CUX2: variants seen among roughly 807,000 people sequenced by gnomAD.
The protein encoded by CUX2 is homeobox protein cut-like 2.
In CUX2, 40 loss-of-function variants were observed where a neutral mutation model predicts 144.8. That is an observed-to-expected ratio of 0.28 (90% confidence interval 0.21 to 0.36). The LOEUF (loss-of-function observed/expected upper bound fraction) is 0.36. Ranked by LOEUF, CUX2 falls within the 10% of genes least tolerant of loss-of-function variation. The probability of loss-of-function intolerance (pLI) is 1.00; values close to 1 mark genes in which losing one functional copy is unlikely to be tolerated. For synonymous variants in CUX2, 827 were observed against 875.6 expected, an observed-to-expected ratio of 0.94 and a Z score of 0.98; for missense variants, 1,615 against 1,994.0, an observed-to-expected ratio of 0.81 and a Z score of 3.62.
chr12:111,082,305 A>G (rs1164806705), intron 1 of CUX2, among the ~76,000 whole-genome samples: 1 of 152,132 alleles, frequency 6.6e-6, no homozygotes. Flanking sequence ...AAATCACAAT[A>G]TATTGGAAGG....
chr12:111,079,642 C>G (rs1871757506), intron 1 of CUX2, among the ~76,000 whole-genome samples: 1 of 152,196 alleles, frequency 6.6e-6, no homozygotes, highest in African/African-American at 2.4e-5. Context: ...CCATGCTCTG[C>G]TCTAAGAATC....
chr12:111,165,542 A>C (rs1878084640), intron 1 of CUX2, among the ~76,000 whole-genome samples: 1 of 152,208 alleles, frequency 6.6e-6, no homozygotes, highest in Non-Finnish European at 1.5e-5. Flanking sequence ...AACTGGACTC[A>C]AATTCTGGTG....
chr12:111,307,681 A>G lies in CUX2; in HGVS notation c.1109+424A>G, dbSNP rs1886659667. ...CACTGCACTCCAGCCTGGACAACAC[A>G]GTGAGACCCTGTCTCAAAAACAAAA... On this transcript the variant is annotated intron_variant, in intron 12 of 21. Coordinates refer to ENST00000261726, the MANE Select transcript of CUX2 (RefSeq NM_015267.4). The surrounding 1 kb of genome is among the most constrained non-coding windows in gnomAD (Gnocchi z 4.1). Among the ~76,000 whole-genome samples the G allele has an allele frequency of 6.6e-6, 1 of 152,248 alleles. No individual in the cohort carries two copies. The highest frequency in any genetic ancestry group is 6.5e-5 in the Admixed American group (1 of 15,284).
intron 1 of CUX2, among the ~76,000 whole-genome samples, chr12:111,078,870 G>A (rs1298576842): frequency 6.6e-6 from 1 of 152,078 alleles, no homozygotes; most frequent in Non-Finnish European, 1.5e-5. Flanking sequence ...GGGGGAAGCG[G>A]ATGGGTTCGA....
chr12:111,058,448 A>G (rs919288893), intron 1 of CUX2, among the ~76,000 whole-genome samples: 4 of 152,236 alleles, frequency 2.6e-5, no homozygotes, highest in Admixed American at 1.3e-4. Flanking sequence ...AGAGAGAAAG[A>G]TCTGACTTTA....
At chr12:111,125,104 G>A (rs1456169601) in intron 1 of CUX2, among the ~76,000 whole-genome samples, 3 of 152,064 alleles carry the variant, frequency 2.0e-5, no homozygotes, top group African/African-American at 7.2e-5. Context: ...AGCCCTAACA[G>A]GAGCAACTCC....
chr12:111,256,918 G>A lies in CUX2; in HGVS notation c.223-6843G>A, dbSNP rs894162131. ...CTCAGTGGCTCCCAGATGTCCCTGCGACCTCAGACAGCTTGGTGGAGCTCA... is the reference window on the plus strand; with the variant it reads ...CTCAGTGGCTCCCAGATGTCCCTGCAACCTCAGACAGCTTGGTGGAGCTCA... On this transcript the variant is annotated intron_variant, in intron 3 of 21. Transcript: ENST00000261726. Among the ~76,000 whole-genome samples the A allele has an allele frequency of 4.6e-5, 7 of 152,084 alleles. No homozygotes were observed. The East Asian group carries it at 1.2e-3, about 25-fold the overall frequency.
At chr12:111,305,368 GTGTCTA>G (rs1006282351) in intron 10 of CUX2, among the ~76,000 whole-genome samples, 1 of 152,162 alleles carries the variant, frequency 6.6e-6, no homozygotes, top group African/African-American at 2.4e-5. Flanking sequence ...ACAGGCCCAG[GTGTCTA>G]TGTCTCTCTT....
At chr12:111,283,957 C>T (rs189495788) in intron 4 of CUX2, among the ~76,000 whole-genome samples, 22 of 152,284 alleles carry the variant, frequency 1.4e-4, no homozygotes, top group Middle Eastern at 3.4e-3. Context: ...TTGTCAGAGT[C>T]GTGCTGCAGT....
rs140221522 is a variant in CUX2, at chr12:111,165,009, A to G, written c.64-49191A>G. Among the ~76,000 whole-genome samples, 263 of 152,306 alleles carry G rather than the reference A, an allele frequency of 1.7e-3. 3 individuals are homozygous for G. In the South Asian group the frequency reaches 0.034, roughly 20 times the overall value. ...AAGCAGAGCCAAGAGACAGAAATCA[A>G]ACCCTGCGAATAGCATTTGAACTGC... On this transcript the variant is annotated intron_variant, in intron 1 of 21. Transcript: ENST00000261726.
At chr12:111,140,300 T>C (rs11065816) in intron 1 of CUX2, among the ~76,000 whole-genome samples, 20,021 of 152,134 alleles carry the variant, frequency 0.13, 4,422 homozygotes, top group African/African-American at 0.45. Context: ...GCAGGTCCTG[T>C]GGCCATTGAT....
intron 1 of CUX2, among the ~76,000 whole-genome samples, chr12:111,109,824 A>C (rs1374429944): frequency 1.3e-5 from 2 of 152,096 alleles, no homozygotes; most frequent in South Asian, 2.1e-4. Flanking sequence ...TTACTTCTCC[A>C]ACTTCTTCAT....
At chr12:111,069,519 T>C (rs756601055) in intron 1 of CUX2, among the ~76,000 whole-genome samples, 4 of 148,572 alleles carry the variant, frequency 2.7e-5, no homozygotes, top group Non-Finnish European at 5.9e-5. Context: ...AAAGCCTTGC[T>C]CTGTGTGTGT....
chr12:111,134,620 C>CTCTGTGTGTGTGTGTGTGTG (rs1026548098), intron 1 of CUX2, among the ~76,000 whole-genome samples: 2 of 142,130 alleles, frequency 1.4e-5, no homozygotes, highest in African/African-American at 5.6e-5. Flanking sequence ...CTCTCTCTCT[C>CTCTGTGTGTGTGTGTGTGTG]TGTGTGTGTG....
chr12:111,270,456 G>C (rs1884583965), intron 4 of CUX2: 1 of 151,270 alleles, frequency 6.6e-6, no homozygotes, highest in Non-Finnish European at 1.5e-5. Flanking sequence ...GGCGTGAAGT[G>C]AGAAAAAAAA....
At chr12:111,151,036 CAT>C (rs1399913568) in intron 1 of CUX2, among the ~76,000 whole-genome samples, 1 of 152,104 alleles carries the variant, frequency 6.6e-6, no homozygotes, top group Non-Finnish European at 1.5e-5. Context: ...TGTTTGGAGT[CAT>C]ATGTAATTTT....
In CUX2 at chr12:111,310,241, G is replaced by A; in HGVS notation, c.1459G>A (p.Gly487Arg). The A allele has an allele frequency of 6.6e-7, 1 of 1,509,860 alleles. No homozygotes were observed. The highest frequency in any genetic ancestry group is 8.9e-7 in the Non-Finnish European group (1 of 1,129,190). 93.5% of individuals were successfully genotyped at this position (1,509,860 alleles called of 1,614,324 possible). A position where few individuals can be genotyped will look rare whatever the true frequency, so the allele number is the denominator to read the frequency against. Residue 487 changes from glycine (G) to arginine (R), a missense_variant, in exon 15 of 22, where the codon GGG becomes AGG. Gly to Arg is a moderately radical substitution (Grantham distance 125, BLOSUM62 -2). This residue lies in a region of CUX2 where 154 missense variants were observed against 148.4 expected (regional missense o/e 1.04). Transcript: ENST00000261726. This position sits in a 1 kb window ranked among gnomAD's most constrained non-coding sequence, Gnocchi z 7.9. Reference protein sequence around the residue: ...SLSPFPSLASGERLMMPPAAF... With the variant: ...SLSPFPSLASRERLMMPPAAF... ...GTCCCCCTTCCCCAGCCTGGCATCAGGGGAGAGACTGATGATGCCCCCAGC... is the reference window on the plus strand; with the variant it reads ...GTCCCCCTTCCCCAGCCTGGCATCAAGGGAGAGACTGATGATGCCCCCAGC...
In CUX2 at chr12:111,263,955, G is replaced by A. The variant is rs1193137087; in HGVS notation, c.301+116G>A. 9 of 951,578 alleles carry A rather than the reference G, an allele frequency of 9.5e-6. No individual in the cohort carries two copies. Among genetic ancestry groups the A allele is most frequent in the Non-Finnish European group, 1.4e-5 (8 of 592,520 alleles). 58.9% of individuals were successfully genotyped at this position (951,578 alleles called of 1,614,324 possible). A position where few individuals can be genotyped will look rare whatever the true frequency, so the allele number is the denominator to read the frequency against. On this transcript the variant is annotated intron_variant, in intron 4 of 21. Transcript: ENST00000261726. The surrounding 1 kb of genome is among the most constrained non-coding windows in gnomAD (Gnocchi z 4.0). ...GGACATGCCTGGGCTCCTGGGTGAG[G>A]CCAGGCACTCTGTATAGGGCAGGGG...
intron 1 of CUX2, among the ~76,000 whole-genome samples, chr12:111,062,105 C>T (rs1051012303): frequency 4.6e-5 from 7 of 152,188 alleles, no homozygotes; most frequent in African/African-American, 1.4e-4. Flanking sequence ...CTATAGCCGC[C>T]GGCGGGTCTG....
Sources: gnomAD v4.1 joint callset for allele counts (sites outside exome capture counted in the v4.1 genomes callset) on GRCh38, gnomAD v4.1.1 for gene constraint, gnomAD v4.1.1 regional missense constraint, Gnocchi (gnomAD v3.1) non-coding constraint, MANE v1.5 for transcripts, NCBI Gene and HGNC (gene_info 2026-07-23, HGNC 2026-07-21) for gene names.